The following RASA2 variants were observed in gnomAD, a reference collection of about 807,000 sequenced individuals.
RASA2 encodes ras GTPase-activating protein 2.
Under a neutral mutation model 118.2 loss-of-function variants are expected in RASA2, and 155 were observed. The ratio of observed to expected loss-of-function variants is 1.31; its 90% CI spans 1.15 to 1.50. The LOEUF (loss-of-function observed/expected upper bound fraction) is 1.50, where lower values mean the gene tolerates loss of function less well. Among genes scored for constraint, RASA2 ranks in the 40% most tolerant of loss-of-function variants. The pLI is 0.00. For synonymous variants in RASA2, 353 were observed against 349.1 expected (o/e 1.01, Z -0.12); for missense variants, 1,016 against 1,009.6 (o/e 1.01, Z -0.09).
chr3:141,492,209 C>T (rs944979770), intron 1 of RASA2, among the ~76,000 whole-genome samples: 1 of 152,094 alleles, frequency 6.6e-6, no homozygotes, highest in Non-Finnish European at 1.5e-5. Context: ...CTAATATAGC[C>T]AGAATAAAAC....
At chr3:141,562,089 A>G (rs2082737850) in intron 9 of RASA2, among the ~76,000 whole-genome samples, 1 of 151,726 alleles carries the variant, frequency 6.6e-6, no homozygotes, top group African/African-American at 2.4e-5. Context: ...AGTAGCTGGG[A>G]CTTCAGGCAC....
rs749443985 is a variant in RASA2 at position 141,487,132 on chromosome 3, G to A, written c.49G>A (p.Ala17Thr). The change falls in exon 1 of 24, where the codon GCG becomes ACG. Residue 17 changes from alanine to threonine, a missense_variant. By Grantham distance (58) the Ala-to-Thr change is moderately conservative (BLOSUM62 0). This residue lies in a region of RASA2 where 896 missense variants were observed against 836.4 expected (regional missense o/e 1.07). Transcript: ENST00000286364. ...TGCGGCGGCTTCTTCCGAGGCGCCAGCGGCGAGTGCGACTGCAGAGCCCGA... is the reference window on the plus strand; with the variant it reads ...TGCGGCGGCTTCTTCCGAGGCGCCAACGGCGAGTGCGACTGCAGAGCCCGA... Reference protein sequence around the residue: ...AAAAASSEAPAASATAEPEAG... With the variant: ...AAAAASSEAPTASATAEPEAG... 1 of 1,446,222 alleles carries A rather than the reference G, an allele frequency of 6.9e-7. No homozygotes were observed. Among genetic ancestry groups the A allele is most frequent in the Non-Finnish European group, 9.2e-7 (1 of 1,090,194 alleles). 89.6% of individuals were successfully genotyped at this position (1,446,222 alleles called of 1,614,324 possible). A position where few individuals can be genotyped will look rare whatever the true frequency, so the allele number is the denominator to read the frequency against.
intron 5 of RASA2, among the ~76,000 whole-genome samples, chr3:141,545,955 G>A (rs1007506257): frequency 6.6e-6 from 1 of 152,152 alleles, no homozygotes; most frequent in Non-Finnish European, 1.5e-5. Flanking sequence ...ACCATACGAG[G>A]TTTGTCTTTC....
intron 5 of RASA2, among the ~76,000 whole-genome samples, chr3:141,541,112 C>G (rs1018292881): frequency 6.6e-6 from 1 of 152,154 alleles, no homozygotes; most frequent in Middle Eastern, 3.2e-3. Context: ...ATCCCCTACT[C>G]TTTTCCTCCC....
intron 1 of RASA2, among the ~76,000 whole-genome samples, chr3:141,509,323 G>C (rs950468829): frequency 6.6e-6 from 1 of 152,158 alleles, no homozygotes; most frequent in African/African-American, 2.4e-5. Context: ...GATAATGTCA[G>C]GTTCATTGGA....
intron 1 of RASA2, among the ~76,000 whole-genome samples, chr3:141,497,472 A>G (rs2081720347): frequency 6.6e-6 from 1 of 152,158 alleles, no homozygotes; most frequent in Admixed American, 6.5e-5. Flanking sequence ...CTGTTGCTCT[A>G]CTTTGGAAGA....
intron 19 of RASA2, among the ~76,000 whole-genome samples, chr3:141,602,596 G>C (rs2083481682): frequency 1.3e-5 from 2 of 152,132 alleles, no homozygotes; most frequent in Non-Finnish European, 2.9e-5. Context: ...GGTTTGTTCT[G>C]AATGCTTGCC....
chr3:141,538,098 A>AAAAC (rs2082353808), intron 4 of RASA2, among the ~76,000 whole-genome samples: 1 of 116,796 alleles, frequency 8.6e-6, no homozygotes, highest in Non-Finnish European at 1.8e-5. Flanking sequence ...ATCAAAAAAC[A>AAAAC]AAACACACAC....
chr3:141,527,929 T>TC (rs1435421556), intron 3 of RASA2, among the ~76,000 whole-genome samples: 1 of 152,016 alleles, frequency 6.6e-6, no homozygotes, highest in African/African-American at 2.4e-5. Context: ...AGTGTCATTT[T>TC]CCATGTGATT....
chr3:141,500,839 T>G (rs1003662392), intron 1 of RASA2, among the ~76,000 whole-genome samples: 3 of 152,146 alleles, frequency 2.0e-5, no homozygotes, highest in Non-Finnish European at 4.4e-5. Flanking sequence ...ATTTCAAGTG[T>G]TGTCTCTCAG....
At position 141,508,345 on chromosome 3, in the gene RASA2, C is replaced by G. The variant is rs140888902; in HGVS notation, c.134-3818C>G. On this transcript the variant is annotated intron_variant, in intron 1 of 23. Coordinates refer to ENST00000286364, the MANE Select transcript of RASA2 (RefSeq NM_006506.5). ...AAGGTGGGACTGAAAAGCAGTGTTA[C>G]GATTTGGGCACTTAATATTAGTGGT... Among the ~76,000 whole-genome samples, 94 of 151,588 alleles carry G rather than the reference C, an allele frequency of 6.2e-4. 1 individual carries two copies. Among genetic ancestry groups the G allele is most frequent in the African/African-American group, 2.0e-3 (81 of 41,386 alleles).
chr3:141,495,175 A>G (rs1407467849), intron 1 of RASA2, among the ~76,000 whole-genome samples: 3 of 152,250 alleles, frequency 2.0e-5, no homozygotes, highest in Admixed American at 6.5e-5. Context: ...TTTAATCCTT[A>G]CAGTAACTCT....
intron 1 of RASA2, among the ~76,000 whole-genome samples, chr3:141,491,238 A>AC (rs1369411875): frequency 6.6e-6 from 1 of 151,874 alleles, no homozygotes; most frequent in Non-Finnish European, 1.5e-5. Context: ...TCTTTACTCC[A>AC]CCCCATCTTT....
chr3:141,562,524 G>A (rs71619393), intron 9 of RASA2, among the ~76,000 whole-genome samples: 149,788 of 149,788 alleles, frequency 1, 74,894 homozygotes, highest in Non-Finnish European at 1. Flanking sequence ...TCAGGAGCTG[G>A]CGCAGGAGAA....
intron 15 of RASA2, 125 bp downstream of exon 15, chr3:141,577,231 G>T: frequency 2.9e-6 from 2 of 699,496 alleles, no homozygotes; most frequent in Non-Finnish European, 4.5e-6. Flanking sequence ...AATTTACTCA[G>T]CATTTTTCTT....
intron 3 of RASA2, among the ~76,000 whole-genome samples, chr3:141,527,969 A>G (rs889904826): frequency 6.6e-6 from 1 of 152,020 alleles, no homozygotes; most frequent in Non-Finnish European, 1.5e-5. Context: ...GTATATTCAC[A>G]TAAAGATTTT....
At chr3:141,567,803 A>G (rs950217436) in intron 9 of RASA2, among the ~76,000 whole-genome samples, 4 of 152,206 alleles carry the variant, frequency 2.6e-5, no homozygotes, top group African/African-American at 9.6e-5. Flanking sequence ...CCTAGTACAA[A>G]TGTTGAACAA....
chr3:141,576,592 G>A lies in RASA2; in HGVS notation c.1484-408G>A, dbSNP rs73869672. On this transcript the variant is annotated intron_variant, in intron 14 of 23. Coordinates refer to ENST00000286364, the MANE Select transcript of RASA2 (RefSeq NM_006506.5). ...ACTTTTGATATTATCAAGATTTTTG[G>A]GGGGGATATTGAAACAAGAACCTAA... 4.9e-3 allele frequency among the ~76,000 whole-genome samples: 744 copies of A among 152,194 alleles called. 3 individuals are homozygous for A. Among genetic ancestry groups the A allele is most frequent in the African/African-American group, 0.017 (713 of 41,532 alleles).
chr3:141,529,688 GT>G lies in RASA2; in HGVS notation c.356-16del. 1.3e-6 allele frequency: 2 copies of G among 1,547,448 alleles called. No individual in the cohort carries two copies. The highest frequency in any genetic ancestry group is 2.2e-5 in the South Asian group (2 of 89,602). ...TATACGAAGCATGTTTTCTTATATT[GT>G]TTTACTTATTTTCTGTAGGAAAAGT... On this transcript the variant is annotated intron_variant, in intron 3 of 23. Transcript: ENST00000286364.
Sources: allele counts gnomAD v4.1 joint callset (sites outside exome capture counted in the v4.1 genomes callset), GRCh38; gene constraint gnomAD v4.1.1; regional missense constraint gnomAD v4.1.1; transcripts MANE v1.5; gene names NCBI Gene and HGNC (gene_info 2026-07-23, HGNC 2026-07-21).